The following ENPEP variants were observed in gnomAD, a reference collection of about 807,000 sequenced individuals.
ENPEP encodes the protein AP-A.
ENPEP carries 103 observed loss-of-function variants against 114.5 expected under a neutral mutation model. That is an observed-to-expected ratio of 0.90 (90% CI 0.77 to 1.06). ENPEP has a LOEUF of 1.06. ENPEP is among the 50% of genes least tolerant of loss of function. ENPEP has a pLI of 0.00. For synonymous variants in ENPEP, 420 were observed against 422.0 expected (o/e 1.00, Z 0.06); for missense variants, 1,196 against 1,161.3 (o/e 1.03, Z -0.43).
chr4:110,544,812 A>G (rs1314831610), intron 13 of ENPEP, among the ~76,000 whole-genome samples: 2 of 152,130 alleles, frequency 1.3e-5, no homozygotes, highest in Non-Finnish European at 2.9e-5. Context: ...TATAAAGCAA[A>G]TAACTTACAC....
At chr4:110,532,631 G>T (rs994561757) in intron 11 of ENPEP, among the ~76,000 whole-genome samples, 1 of 151,794 alleles carries the variant, frequency 6.6e-6, no homozygotes, top group Non-Finnish European at 1.5e-5. Context: ...AAAAAAAAAC[G>T]TTTATTGTTA....
At chr4:110,544,944 A>G (rs1475198613) in intron 13 of ENPEP, among the ~76,000 whole-genome samples, 1 of 152,114 alleles carries the variant, frequency 6.6e-6, no homozygotes, top group Non-Finnish European at 1.5e-5. Flanking sequence ...AGGATCACAC[A>G]AGAGAGCTAG....
At chr4:110,558,049 T>G (rs1188738641) in intron 18 of ENPEP, among the ~76,000 whole-genome samples, 3 of 145,078 alleles carry the variant, frequency 2.1e-5, no homozygotes, top group African/African-American at 7.6e-5. Flanking sequence ...TTTTTTTTTG[T>G]ATAAAACTCT....
intron 3 of ENPEP, among the ~76,000 whole-genome samples, chr4:110,492,206 G>A (rs936344613): frequency 1.3e-5 from 2 of 152,020 alleles, no homozygotes; most frequent in Non-Finnish European, 2.9e-5. Context: ...TTATAAGGAG[G>A]AAATCATCAC....
In ENPEP at chr4:110,513,418, G is replaced by T; in HGVS notation, c.1312G>T (p.Asp438Tyr). Residue 438 changes from aspartate (D) to tyrosine (Y), a missense_variant, in exon 7 of 20, where the codon GAC becomes TAC. Physicochemically the swap from Asp to Tyr is radical, Grantham distance 160. Coordinates refer to ENST00000265162, the MANE Select transcript of ENPEP (RefSeq NM_001977.4). ...NHAETDWQMR[D>Y]QMLLEDVLPV... ...TTGGCTCATTCTTTCATTTCAGCGT[G>T]ACCAAATGTTACTTGAAGATGTATT... 1 of 1,610,606 alleles carries T rather than the reference G, an allele frequency of 6.2e-7. No homozygotes were observed. The highest frequency in any genetic ancestry group is 1.1e-5 in the South Asian group (1 of 90,318).
At position 110,510,262 on chromosome 4, in the gene ENPEP, G is replaced by A. The variant is rs531512685; in HGVS notation, c.1212G>A (p.Val404=). 6.2e-7 allele frequency: 1 copy of A among 1,613,988 alleles called. No homozygotes were observed. The stretch of plus-strand genomic sequence containing the variant: ...AATTTCAGTGGTTTGGAAATATTGT[G>A]ACCATGGACTGGTGGGAAGACTTGT... The part of the protein sequence containing the change: ...ELVHQWFGNI[V]TMDWWEDLWL... Residue 404 remains valine (V), a synonymous_variant, in exon 6 of 20, where the codon GTG becomes GTA. Transcript: ENST00000265162.
chr4:110,477,341 T>C (rs1724151447), intron 1 of ENPEP, among the ~76,000 whole-genome samples: 1 of 152,192 alleles, frequency 6.6e-6, no homozygotes, highest in Non-Finnish European at 1.5e-5. Context: ...GCACCCTATC[T>C]TGAAGATTTC....
At chr4:110,478,438 TA>T (rs35429246) in intron 1 of ENPEP, among the ~76,000 whole-genome samples, 131,960 of 151,796 alleles carry the variant, frequency 0.87, 57,578 homozygotes, top group Middle Eastern at 0.93. Flanking sequence ...AAATAATCTG[TA>T]AAATAATTTC....
chr4:110,558,294 A>ATATATATAT, intron 18 of ENPEP, among the ~76,000 whole-genome samples: 1 of 128,784 alleles, frequency 7.8e-6, no homozygotes, highest in African/African-American at 2.8e-5. Flanking sequence ...ATATATATAT[A>ATATATATAT]AATTTTTTTT....
intron 2 of ENPEP, among the ~76,000 whole-genome samples, chr4:110,489,612 A>AAAGGCTG (rs1724628325): frequency 6.6e-6 from 1 of 152,170 alleles, no homozygotes; most frequent in African/African-American, 2.4e-5. Context: ...AAAAATTTTA[A>AAAGGCTG]AAGGCTGATA....
At chr4:110,523,098 C>T (rs756120628) in intron 10 of ENPEP, among the ~76,000 whole-genome samples, 1 of 152,098 alleles carries the variant, frequency 6.6e-6, no homozygotes, top group Non-Finnish European at 1.5e-5. Context: ...AAGAGAAATT[C>T]TCTCCAGTGG....
chr4:110,559,786 A>T (rs1021942807), intron 19 of ENPEP, 61 bp downstream of exon 19: 3 of 1,385,672 alleles, frequency 2.2e-6, no homozygotes, highest in Non-Finnish European at 3.0e-6. Context: ...TTTTTTAAAA[A>T]AAATTTTACT....
intron 1 of ENPEP, among the ~76,000 whole-genome samples, chr4:110,483,498 C>T (rs937176979): frequency 1.4e-4 from 21 of 151,802 alleles, no homozygotes; most frequent in Non-Finnish European, 2.5e-4. Flanking sequence ...TCAGAGTGAT[C>T]CAAGCCATAA....
intron 4 of ENPEP, among the ~76,000 whole-genome samples, chr4:110,508,594 G>A (rs984529005): frequency 3.9e-5 from 6 of 152,160 alleles, no homozygotes; most frequent in African/African-American, 1.2e-4. Context: ...GGTGGATCAC[G>A]AGGTCAGGAG....
chr4:110,490,408 G>A (rs1252966643), intron 2 of ENPEP, among the ~76,000 whole-genome samples: 1 of 152,214 alleles, frequency 6.6e-6, no homozygotes, highest in Non-Finnish European at 1.5e-5. Flanking sequence ...AATAATGGAA[G>A]CAGGAGTTGG....
chr4:110,508,159 C>T (rs1725438008), intron 4 of ENPEP, among the ~76,000 whole-genome samples: 2 of 151,884 alleles, frequency 1.3e-5, no homozygotes, highest in Admixed American at 6.5e-5. Context: ...GCATTTTCAA[C>T]CCTCTCAGAA....
chr4:110,482,295 A>C (rs752808026), intron 1 of ENPEP, among the ~76,000 whole-genome samples: 4 of 152,342 alleles, frequency 2.6e-5, no homozygotes, highest in South Asian at 2.1e-4. Context: ...TTGCTTGACT[A>C]TGAGGAAGGG....
At chr4:110,520,131 A>T (rs372812702) in intron 9 of ENPEP, 58 bp downstream of exon 9, 3 of 1,595,554 alleles carry the variant, frequency 1.9e-6, no homozygotes, top group Non-Finnish European at 2.6e-6. Context: ...ATGGCTTACC[A>T]ATCATTTTCT....
intron 3 of ENPEP, among the ~76,000 whole-genome samples, chr4:110,497,417 T>A (rs2110343021): frequency 6.6e-6 from 1 of 152,248 alleles, no homozygotes; most frequent in South Asian, 2.1e-4. Context: ...TGATTCTTAT[T>A]TTTTATTTAA....
Sources: gnomAD v4.1 joint callset for allele counts (sites outside exome capture counted in the v4.1 genomes callset) on GRCh38, gnomAD v4.1.1 for gene constraint, MANE v1.5 for transcripts, NCBI Gene and HGNC (gene_info 2026-07-23, HGNC 2026-07-21) for gene names.